Variants in NCAPD2 observed in about 807,000 individuals in gnomAD.
NCAPD2 encodes condensin complex subunit 1.
Under a neutral mutation model 164.5 loss-of-function variants are expected in NCAPD2, and 100 were observed. The observed-to-expected ratio is 0.61, with a 90% CI of 0.52 to 0.72. The LOEUF (loss-of-function observed/expected upper bound fraction) is 0.72, where lower values mean the gene tolerates loss of function less well. Ranked by LOEUF, NCAPD2 falls within the 30% of genes least tolerant of loss-of-function variation. The pLI, the probability that NCAPD2 is intolerant of heterozygous loss-of-function variation, is 0.00. For missense variants in NCAPD2, 1,560 were observed against 1,749.2 expected (o/e 0.89, Z 1.93); for synonymous variants, 585 against 642.6 (o/e 0.91, Z 1.36).
Position 6,517,881 on chromosome 12 carries a change from C to T in NCAPD2, c.1511C>T (p.Pro504Leu). ...LQLPQGEEEI[P>L]EQIANTETTE... Reference sequence around the variant, plus strand: ...CTTCCCCAGGGAGAGGAGGAGATTCCTGAGCAAATTGCCAATACAGAGACA... The same window carrying T: ...CTTCCCCAGGGAGAGGAGGAGATTCTTGAGCAAATTGCCAATACAGAGACA... The change falls in exon 13 of 32, where the codon CCT (proline) becomes CTT (leucine). Residue 504 changes from proline to leucine, a missense_variant. Transcript: ENST00000315579. 6.2e-7 allele frequency: 1 copy of T among 1,614,162 alleles called. No homozygotes were observed. The highest frequency in any genetic ancestry group is 1.3e-5 in the African/African-American group (1 of 75,040).
chr12:6,510,004 A>G, intron 3 of NCAPD2, 71 bp from the exon 4 acceptor site: 2 of 1,482,704 alleles, frequency 1.3e-6, no homozygotes. Flanking sequence ...TCCACGGGTT[A>G]GATCTGATCT....
chr12:6,528,340 C>T lies in NCAPD2; in HGVS notation c.3299+12C>T, dbSNP rs1209498473. 6.2e-7 allele frequency: 1 copy of T among 1,613,314 alleles called. No homozygotes were observed. The highest frequency in any genetic ancestry group is 1.3e-5 in the African/African-American group (1 of 75,030). On this transcript the variant is annotated intron_variant, in intron 25 of 31. Transcript: ENST00000315579. The surrounding 1 kb of genome is among the most constrained non-coding windows in gnomAD (Gnocchi z 5.1). ...CATCTGTATGCTCGGTAAGAGACCC[C>T]TCACAACGTGGTGGCAGTTCCCAGG...
chr12:6,517,114 C>T (rs1946209609), intron 10 of NCAPD2, 89 bp downstream of exon 10: 1 of 1,447,260 alleles, frequency 6.9e-7, no homozygotes, highest in Non-Finnish European at 9.6e-7. Flanking sequence ...AATATCTGCC[C>T]CAAAGAGGTC....
intron 21 of NCAPD2, 115 bp from the exon 22 acceptor site, chr12:6,526,776 A>G: frequency 8.4e-6 from 12 of 1,425,286 alleles, no homozygotes; most frequent in Non-Finnish European, 1.1e-5. Flanking sequence ...AACTCTTACT[A>G]CTTCACTAGT....
At chr12:6,507,388 A>G (rs1393298894) in intron 2 of NCAPD2, among the ~76,000 whole-genome samples, 1 of 152,256 alleles carries the variant, frequency 6.6e-6, no homozygotes, top group East Asian at 1.9e-4. Context: ...CCTAAGGAAA[A>G]TGAACATTCA....
chr12:6,522,179 C>G lies in NCAPD2; in HGVS notation c.1954+142C>G, dbSNP rs539649858. 9.0e-6 allele frequency: 8 copies of G among 892,632 alleles called. No homozygotes were observed. In the African/African-American group the frequency reaches 1.2e-4, roughly 13 times the overall value. The allele number at this position is 892,632 out of a possible 1,614,324, so 55.3% of individuals were successfully genotyped here. On this transcript the variant is annotated intron_variant, in intron 15 of 31. Transcript: ENST00000315579. ...CAACTCCTGGGCTCAGGCAATTCTT[C>G]TGCGTCAGCCTCCCAAAGTGCTGGT...
chr12:6,514,572 T>C lies in NCAPD2; in HGVS notation c.824T>C (p.Val275Ala), dbSNP rs926307259. Residue 275 changes from valine (V) to alanine (A), a missense_variant, in exon 8 of 32, where the codon GTG (valine) becomes GCG (alanine). By Grantham distance (64) the Val-to-Ala change is moderately conservative. Coordinates refer to ENST00000315579, the MANE Select transcript of NCAPD2 (RefSeq NM_014865.4). ...WATDYGMKSI[V>A]GEIVREIGQK... Reference sequence around the variant, plus strand: ...ACTGACTATGGAATGAAGAGCATAGTGGGAGAGATTGTAAGGTGACTCTTC... The same window carrying C: ...ACTGACTATGGAATGAAGAGCATAGCGGGAGAGATTGTAAGGTGACTCTTC... 6.2e-7 allele frequency: 1 copy of C among 1,614,182 alleles called. No homozygotes were observed. The highest frequency in any genetic ancestry group is 8.5e-7 in the Non-Finnish European group (1 of 1,180,028).
chr12:6,504,232 T>TATACATATATAC (rs1946077654), intron 2 of NCAPD2, among the ~76,000 whole-genome samples: 1 of 102,746 alleles, frequency 9.7e-6, no homozygotes, highest in African/African-American at 3.4e-5. Flanking sequence ...TAGATATATA[T>TATACATATATAC]ATATATATAT....
At position 6,531,011 on chromosome 12, in the gene NCAPD2, C is replaced by G. The variant is rs1200554459; in HGVS notation, c.4055C>G (p.Thr1352Ser). The G allele has an allele frequency of 6.2e-7, 1 of 1,614,198 alleles. No homozygotes were observed. The highest frequency in any genetic ancestry group is 8.5e-7 in the Non-Finnish European group (1 of 1,180,046). ...CGTACTACCCGTCGGCATCCAAACA[C>G]CCAGCAGCGAGCTTCCAAAAAGAAA... is the stretch of plus-strand genomic sequence containing the variant. ...PRRTTRRHPN[T>S]QQRASKKKPK... The change falls in exon 31 of 32, where the codon ACC (threonine) becomes AGC (serine). Residue 1352 changes from threonine (T) to serine (S), a missense_variant. Physicochemically the swap from Thr to Ser is moderately conservative, Grantham distance 58. Transcript: ENST00000315579. The surrounding 1 kb of genome is among the most constrained non-coding windows in gnomAD (Gnocchi z 4.1).
Position 6,522,008 on chromosome 12 carries a change from G to C in NCAPD2, c.1925G>C (p.Ser642Thr), listed in dbSNP as rs369598953. 1 of 1,614,078 alleles carries C rather than the reference G, an allele frequency of 6.2e-7. No homozygotes were observed. Among genetic ancestry groups the C allele is most frequent in the African/African-American group, 1.3e-5 (1 of 75,040 alleles). The change falls in exon 15 of 32, where the codon AGC becomes ACC. Residue 642 changes from serine to threonine, a missense_variant. Coordinates refer to ENST00000315579, the MANE Select transcript of NCAPD2 (RefSeq NM_014865.4). The part of the protein sequence containing the change: ...RKITEAIGII[S>T]KMMYENTTTV... ...ATTACAGAGGCCATTGGCATCATCA[G>C]CAAGATGATGTATGAAAACACAACT...
Position 6,530,721 on chromosome 12 carries a change from C to T in NCAPD2, c.3868C>T (p.Arg1290Trp), listed in dbSNP as rs1307291517. ...AATAGATGAATTTGAGCAGAAGCTTCGGGCCTGTCATACCAGAGGTTTGGA... is the reference window on the plus strand; with the variant it reads ...AATAGATGAATTTGAGCAGAAGCTTTGGGCCTGTCATACCAGAGGTTTGGA... ...AIIDEFEQKL[R>W]ACHTRGLDGI... is the part of the protein sequence containing the mutation. The change falls in exon 30 of 32, where the codon CGG (arginine) becomes TGG (tryptophan). Residue 1290 changes from arginine (R) to tryptophan (W), a missense_variant. Transcript: ENST00000315579. 5.0e-6 allele frequency: 8 copies of T among 1,614,038 alleles called. No individual in the cohort carries two copies. Among genetic ancestry groups the T allele is most frequent in the African/African-American group, 4.0e-5 (3 of 74,894 alleles).
chr12:6,494,817 CAAG>C (rs1365980866), intron 1 of NCAPD2, among the ~76,000 whole-genome samples: 1 of 152,154 alleles, frequency 6.6e-6, no homozygotes, highest in Non-Finnish European at 1.5e-5. Flanking sequence ...GTGTCAAGAC[CAAG>C]TGCCAAAGTC....
chr12:6,517,631 G>C lies in NCAPD2; in HGVS notation c.1356G>C (p.Lys452Asn), dbSNP rs768529470. 1.2e-5 allele frequency: 20 copies of C among 1,614,232 alleles called. No homozygotes were observed. Among genetic ancestry groups the C allele is most frequent in the Non-Finnish European group, 1.7e-5 (20 of 1,180,050 alleles). The stretch of plus-strand genomic sequence containing the variant: ...CTGACCTTGCCGGACCACTGCAGAA[G>C]GAGACCCAGAAATTACAAGAGATGA... Reference protein sequence around the residue: ...SDADLAGPLQKETQKLQEMRA... With the variant: ...SDADLAGPLQNETQKLQEMRA... Residue 452 changes from lysine (K) to asparagine (N), a missense_variant, in exon 12 of 32, where the codon AAG (lysine) becomes AAC (asparagine). Lys to Asn is a moderately conservative substitution (Grantham distance 94). Transcript: ENST00000315579.
chr12:6,515,632 A>T (rs1475821449), intron 9 of NCAPD2, among the ~76,000 whole-genome samples: 1 of 152,210 alleles, frequency 6.6e-6, no homozygotes, highest in Non-Finnish European at 1.5e-5. Flanking sequence ...AACCTGGCTG[A>T]TTCCCATACT....
chr12:6,522,828 T>C lies in NCAPD2; in HGVS notation c.1955T>C (p.Val652Ala), dbSNP rs780185175. The C allele has an allele frequency of 6.2e-7, 1 of 1,613,526 alleles. No homozygotes were observed. Among genetic ancestry groups the C allele is most frequent in the South Asian group, 1.1e-5 (1 of 91,058 alleles). ...SKMMYENTTTVVQEVIEFFVM... is the reference protein window; with the variant it reads ...SKMMYENTTTAVQEVIEFFVM... ...GTGACATTTGTACATGTTCTCTCAG[T>C]GGTGCAGGAGGTGATTGAATTCTTT... is the stretch of plus-strand genomic sequence containing the variant. The change falls in exon 16 of 32, where the codon GTG becomes GCG. Residue 652 changes from valine to alanine, a missense_variant and splice_region_variant. Physicochemically the swap from Val to Ala is moderately conservative, Grantham distance 64 (BLOSUM62 0). Transcript: ENST00000315579.
chr12:6,513,772 G>A (rs1372387685), intron 6 of NCAPD2, among the ~76,000 whole-genome samples: 4 of 132,734 alleles, frequency 3.0e-5, no homozygotes, highest in African/African-American at 5.9e-5. Flanking sequence ...CTGGAGTGCA[G>A]TGGCATGATA....
chr12:6,494,427 A>C (rs575655612), intron 1 of NCAPD2, among the ~76,000 whole-genome samples: 1 of 152,332 alleles, frequency 6.6e-6, no homozygotes, highest in South Asian at 2.1e-4. Context: ...TCCGCTCTGT[A>C]AACTCATTTG....
intron 13 of NCAPD2, among the ~76,000 whole-genome samples, chr12:6,520,090 A>T (rs750950197): frequency 4.6e-5 from 7 of 151,862 alleles, no homozygotes; most frequent in South Asian, 2.1e-4. Context: ...CTGAGGCATG[A>T]GAATCACTCA....
chr12:6,506,637 A>G (rs867810864), intron 2 of NCAPD2, among the ~76,000 whole-genome samples: 1 of 152,074 alleles, frequency 6.6e-6, no homozygotes, highest in Admixed American at 6.6e-5. Flanking sequence ...AAATGATAAA[A>G]TAGACTAGGA....
Sources: gnomAD v4.1 joint callset for allele counts (sites outside exome capture counted in the v4.1 genomes callset) on GRCh38, gnomAD v4.1.1 for gene constraint, Gnocchi (gnomAD v3.1) non-coding constraint, MANE v1.5 for transcripts, NCBI Gene and HGNC (gene_info 2026-07-23, HGNC 2026-07-21) for gene names.